Variants in ZFPM2 observed in about 807,000 individuals in gnomAD.
ZFPM2 encodes the protein zinc finger protein, FOG family member 2, also known as zinc finger protein ZFPM2.
Under a neutral mutation model 98.6 loss-of-function variants are expected in ZFPM2, and 20 were observed. The observed-to-expected ratio is 0.20, with a 90% confidence interval of 0.14 to 0.29. ZFPM2 has a LOEUF of 0.29. Ranked by LOEUF, ZFPM2 falls within the 10% of genes least tolerant of loss-of-function variation. The probability of loss-of-function intolerance (pLI) is 1.00; values close to 1 mark genes in which losing one functional copy is unlikely to be tolerated. For synonymous variants in ZFPM2, 518 were observed against 502.7 expected, an observed-to-expected ratio of 1.03 and a Z score of -0.41; for missense variants, 1,310 against 1,388.6, an observed-to-expected ratio of 0.94 and a Z score of 0.90.
intron 4 of ZFPM2, among the ~76,000 whole-genome samples, chr8:105,621,328 G>T (rs866231339): frequency 9.2e-5 from 14 of 152,106 alleles, no homozygotes; most frequent in African/African-American, 2.4e-4. Flanking sequence ...CTCTCTGTTT[G>T]TCTGTTATTA....
chr8:105,696,288 C>T (rs1035561895), intron 5 of ZFPM2, among the ~76,000 whole-genome samples: 10 of 152,122 alleles, frequency 6.6e-5, no homozygotes, highest in African/African-American at 2.4e-4. Flanking sequence ...CCTACCAAAT[C>T]GAGTAAGTCT....
chr8:105,673,377 A>T (rs571388765), intron 5 of ZFPM2, among the ~76,000 whole-genome samples: 16 of 152,132 alleles, frequency 1.1e-4, no homozygotes, highest in Non-Finnish European at 2.1e-4. Context: ...CTTCAAAATG[A>T]TAGTCAGCAA....
intron 5 of ZFPM2, among the ~76,000 whole-genome samples, chr8:105,732,185 T>C (rs1266945323): frequency 6.6e-6 from 1 of 151,784 alleles, no homozygotes; most frequent in Non-Finnish European, 1.5e-5. Context: ...ATATTCATAT[T>C]CCTATGCATA....
At chr8:105,569,508 C>T (rs1477682522) in intron 4 of ZFPM2, among the ~76,000 whole-genome samples, 1 of 152,104 alleles carries the variant, frequency 6.6e-6, no homozygotes, top group African/African-American at 2.4e-5. Context: ...ATTTTAGTCT[C>T]GTTTGAGAGG....
chr8:105,695,617 T>A (rs1211374924), intron 5 of ZFPM2, among the ~76,000 whole-genome samples: 1 of 152,098 alleles, frequency 6.6e-6, no homozygotes, highest in Non-Finnish European at 1.5e-5. Flanking sequence ...ACCAAACACA[T>A]TTGATGAAAT....
intron 4 of ZFPM2, among the ~76,000 whole-genome samples, chr8:105,582,032 G>T (rs940794909): frequency 2.0e-5 from 3 of 152,180 alleles, no homozygotes; most frequent in Non-Finnish European, 4.4e-5. Context: ...TTGAAAATGT[G>T]CCTGTTTCTG....
chr8:105,735,142 A>T (rs1030890958), intron 5 of ZFPM2, among the ~76,000 whole-genome samples: 8 of 148,374 alleles, frequency 5.4e-5, no homozygotes, highest in Non-Finnish European at 8.9e-5. Flanking sequence ...CTACATCTAT[A>T]ATATAGACAT....
intron 2 of ZFPM2, among the ~76,000 whole-genome samples, chr8:105,441,490 G>GAAAAGAAAAGAAAAGA (rs138686924): frequency 1.4e-5 from 1 of 71,152 alleles, no homozygotes; most frequent in African/African-American, 1.1e-4. Flanking sequence ...AAGAAAGAAA[G>GAAAAGAAAAGAAAAGA]AAAGAAAGAA....
intron 3 of ZFPM2, among the ~76,000 whole-genome samples, chr8:105,546,983 G>C (rs1405233665): frequency 4.0e-5 from 6 of 151,846 alleles, no homozygotes; most frequent in African/African-American, 1.5e-4. Context: ...TTTTTTTGGG[G>C]AGGAGGTCAG....
intron 1 of ZFPM2, among the ~76,000 whole-genome samples, chr8:105,381,213 G>T (rs1810882355): frequency 6.6e-6 from 1 of 151,028 alleles, no homozygotes; most frequent in East Asian, 2.0e-4. Context: ...TGCTGAGAAT[G>T]ATGCTTTCTA....
intron 1 of ZFPM2, among the ~76,000 whole-genome samples, chr8:105,352,238 A>G (rs899130123): frequency 6.6e-6 from 1 of 152,240 alleles, no homozygotes; most frequent in Non-Finnish European, 1.5e-5. Context: ...CTTTATGAAA[A>G]TGACATTTTA....
At chr8:105,704,622 G>A (rs866614115) in intron 5 of ZFPM2, among the ~76,000 whole-genome samples, 4 of 152,152 alleles carry the variant, frequency 2.6e-5, no homozygotes, top group South Asian at 4.2e-4. Context: ...AATAAGTAGC[G>A]GGTGTGTTGC....
chr8:105,628,105 A>G (rs551104660), intron 4 of ZFPM2, among the ~76,000 whole-genome samples: 1 of 152,290 alleles, frequency 6.6e-6, no homozygotes, highest in South Asian at 2.1e-4. Context: ...TAGTTACTTC[A>G]TTCAAAAGCC....
intron 5 of ZFPM2, among the ~76,000 whole-genome samples, chr8:105,653,675 G>A (rs1180941857): frequency 2.0e-5 from 3 of 151,998 alleles, no homozygotes; most frequent in Admixed American, 2.0e-4. Context: ...GTACACTGTG[G>A]GATAGAAACA....
At chr8:105,469,767 CTA>C (rs1812862143) in intron 3 of ZFPM2, among the ~76,000 whole-genome samples, 1 of 152,160 alleles carries the variant, frequency 6.6e-6, no homozygotes, top group African/African-American at 2.4e-5. Context: ...TCATAGAACA[CTA>C]TGATGGGATT....
At chr8:105,702,042 A>G (rs1346249024) in intron 5 of ZFPM2, among the ~76,000 whole-genome samples, 1 of 152,234 alleles carries the variant, frequency 6.6e-6, no homozygotes, top group East Asian at 1.9e-4. Context: ...AATTCCAAAC[A>G]AAATTGGTTA....
chr8:105,677,827 T>G (rs1165740662), intron 5 of ZFPM2, among the ~76,000 whole-genome samples: 2 of 152,182 alleles, frequency 1.3e-5, no homozygotes, highest in Non-Finnish European at 2.9e-5. Flanking sequence ...TTTCCAAATT[T>G]TAACTGACGA....
intron 1 of ZFPM2, among the ~76,000 whole-genome samples, chr8:105,345,074 T>C (rs931711084): frequency 6.6e-6 from 1 of 152,184 alleles, no homozygotes; most frequent in African/African-American, 2.4e-5. Flanking sequence ...GTACATCTTA[T>C]TGATTAGACA....
chr8:105,319,493 C>T (rs916113852), intron 1 of ZFPM2: 1 of 152,384 alleles, frequency 6.6e-6, no homozygotes, highest in African/African-American at 2.4e-5. Flanking sequence ...GGTCCCGATC[C>T]TGGGCGGTGC....
Sources: gnomAD v4.1 joint callset for allele counts (sites outside exome capture counted in the v4.1 genomes callset) on GRCh38, gnomAD v4.1.1 for gene constraint, MANE v1.5 for transcripts, NCBI Gene and HGNC (gene_info 2026-07-23, HGNC 2026-07-21) for gene names.